HHAT: variants seen among roughly 807,000 people sequenced by gnomAD.
HHAT encodes the protein hedgehog acyltransferase.
Under a neutral mutation model 70.8 loss-of-function variants are expected in HHAT, and 47 were observed. That is an observed-to-expected ratio of 0.66 (90% CI 0.53 to 0.85). The LOEUF (loss-of-function observed/expected upper bound fraction) is 0.85, where lower values mean the gene tolerates loss of function less well. Ranked by LOEUF, HHAT falls within the 40% of genes least tolerant of loss-of-function variation. The probability of loss-of-function intolerance (pLI) is 0.00; values close to 1 mark genes in which losing one functional copy is unlikely to be tolerated. For synonymous variants in HHAT, 228 were observed against 247.6 expected (o/e 0.92, Z 0.74); for missense variants, 609 against 604.8 (o/e 1.01, Z -0.07).
chr1:210,578,418 G>T (rs1192487914), intron 9 of HHAT, among the ~76,000 whole-genome samples: 1 of 152,064 alleles, frequency 6.6e-6, no homozygotes, highest in African/African-American at 2.4e-5. Flanking sequence ...ACAGTATGGA[G>T]ATTCCTTAAA....
At chr1:210,640,616 T>A (rs1209315777) in intron 11 of HHAT, among the ~76,000 whole-genome samples, 1 of 152,060 alleles carries the variant, frequency 6.6e-6, no homozygotes, top group East Asian at 1.9e-4. Flanking sequence ...GCCAAAGCCC[T>A]AACATGGAAC....
chr1:210,591,276 T>TA (rs1415224166), intron 10 of HHAT, among the ~76,000 whole-genome samples: 3 of 152,150 alleles, frequency 2.0e-5, no homozygotes, highest in Non-Finnish European at 4.4e-5. Flanking sequence ...TTTTAATTTT[T>TA]AACTCCCACA....
chr1:210,579,569 C>T (rs779370586), intron 9 of HHAT, among the ~76,000 whole-genome samples: 6 of 152,162 alleles, frequency 3.9e-5, no homozygotes, highest in Non-Finnish European at 8.8e-5. Flanking sequence ...ATCTTCACAG[C>T]ACCTCATACT....
chr1:210,521,655 T>C (rs2095160155), intron 9 of HHAT, among the ~76,000 whole-genome samples: 1 of 152,206 alleles, frequency 6.6e-6, no homozygotes, highest in Non-Finnish European at 1.5e-5. Context: ...GTGTGGTGTC[T>C]GAAATGTTCA....
intron 9 of HHAT, among the ~76,000 whole-genome samples, chr1:210,537,619 C>A (rs2095387691): frequency 6.6e-6 from 1 of 152,124 alleles, no homozygotes; most frequent in South Asian, 2.1e-4. Flanking sequence ...TGGGAAGGGC[C>A]ATTTTAATGT....
intron 11 of HHAT, among the ~76,000 whole-genome samples, chr1:210,650,951 C>G (rs968121651): frequency 1.3e-5 from 2 of 152,144 alleles, no homozygotes; most frequent in African/African-American, 4.8e-5. Flanking sequence ...GAAGACTCAT[C>G]AGCTATATGA....
chr1:210,348,884 G>T, intron 1 of HHAT, 49 bp from the exon 2 acceptor site: 1 of 1,541,606 alleles, frequency 6.5e-7, no homozygotes, highest in Non-Finnish European at 8.7e-7. Flanking sequence ...TTTAGATGCT[G>T]TTCTCTAGTG....
At position 210,513,163 on chromosome 1, in the gene HHAT, G is replaced by A. The variant is rs748544351; in HGVS notation, c.1018G>A (p.Val340Ile). The A allele has an allele frequency of 6.5e-7, 1 of 1,532,088 alleles. No individual in the cohort carries two copies. Among genetic ancestry groups the A allele is most frequent in the South Asian group, 1.1e-5 (1 of 87,360 alleles). 94.9% of individuals were successfully genotyped at this position (1,532,088 alleles called of 1,614,324 possible). Residue 340 changes from valine to isoleucine, a missense_variant, in exon 9 of 12, where the codon GTT becomes ATT. By Grantham distance (29) the Val-to-Ile change is conservative. Transcript: ENST00000261458. ...GTCTCTTTTGAACAGGTATTTTGAT[G>A]TTGGACTGCATAATTTCTTAATCAG... is the stretch of plus-strand genomic sequence containing the variant. ...SFTGMWRYFD[V>I]GLHNFLIRYV...
At chr1:210,601,811 A>G (rs1001354142) in intron 10 of HHAT, among the ~76,000 whole-genome samples, 3 of 152,146 alleles carry the variant, frequency 2.0e-5, no homozygotes, top group Non-Finnish European at 2.9e-5. Context: ...ACTTGCCTTT[A>G]TAAACATAAT....
chr1:210,429,616 T>C (rs1451159947), intron 7 of HHAT, among the ~76,000 whole-genome samples: 1 of 151,822 alleles, frequency 6.6e-6, no homozygotes, highest in Non-Finnish European at 1.5e-5. Flanking sequence ...CAAAAATAAC[T>C]TCATATAGAA....
At chr1:210,462,579 G>A (rs1160790381) in intron 7 of HHAT, 3 of 152,208 alleles carry the variant, frequency 2.0e-5, no homozygotes, top group Non-Finnish European at 4.4e-5. Context: ...CAAGAATGCT[G>A]AAAGTTTATT....
chr1:210,596,201 T>C (rs1206691486), intron 10 of HHAT, among the ~76,000 whole-genome samples: 1 of 152,200 alleles, frequency 6.6e-6, no homozygotes, highest in Non-Finnish European at 1.5e-5. Flanking sequence ...TAGCCAGTTT[T>C]CCCAGCACCA....
intron 8 of HHAT, 69 bp downstream of exon 8, chr1:210,464,724 A>C: frequency 6.4e-7 from 1 of 1,556,704 alleles, no homozygotes; most frequent in Non-Finnish European, 8.8e-7. Context: ...GGCCGGCCTC[A>C]AAGGGTTCGG....
At chr1:210,348,104 G>A (rs1015569184) in intron 1 of HHAT, among the ~76,000 whole-genome samples, 2 of 152,186 alleles carry the variant, frequency 1.3e-5, no homozygotes, top group African/African-American at 4.8e-5. Context: ...ATGAGGCCTG[G>A]CACAGTGGCT....
chr1:210,531,374 C>T (rs2095313033), intron 9 of HHAT, among the ~76,000 whole-genome samples: 1 of 152,136 alleles, frequency 6.6e-6, no homozygotes, highest in African/African-American at 2.4e-5. Context: ...GACCTCTGGC[C>T]TGTAAATAAA....
chr1:210,554,726 T>C (rs763388626), intron 9 of HHAT, among the ~76,000 whole-genome samples: 7 of 152,204 alleles, frequency 4.6e-5, no homozygotes, highest in Non-Finnish European at 1.0e-4. Context: ...TGGATTTATG[T>C]GGCACCATCT....
chr1:210,618,903 T>G (rs146192630), intron 10 of HHAT, among the ~76,000 whole-genome samples: 1 of 152,296 alleles, frequency 6.6e-6, no homozygotes, highest in African/African-American at 2.4e-5. Flanking sequence ...GACGTAAGTT[T>G]AGTTTAGCCC....
At chr1:210,459,785 G>A (rs1444510852) in intron 7 of HHAT, among the ~76,000 whole-genome samples, 4 of 152,272 alleles carry the variant, frequency 2.6e-5, no homozygotes, top group East Asian at 1.9e-4. Flanking sequence ...GTTGGCTGTC[G>A]CTGAATAACA....
intron 1 of HHAT, among the ~76,000 whole-genome samples, chr1:210,336,491 A>G (rs2085511966): frequency 6.6e-6 from 1 of 151,940 alleles, no homozygotes; most frequent in African/African-American, 2.4e-5. Context: ...CCACTTCTTG[A>G]AAGCCCTAAG....
Sources: gnomAD v4.1 joint callset for allele counts (sites outside exome capture counted in the v4.1 genomes callset) on GRCh38, gnomAD v4.1.1 for gene constraint, MANE v1.5 for transcripts, NCBI Gene and HGNC (gene_info 2026-07-23, HGNC 2026-07-21) for gene names.